SV2B: variants seen among roughly 807,000 people sequenced by gnomAD.
SV2B encodes solute carrier family 22 member B2.
SV2B carries 41 observed loss-of-function variants against 73.9 expected under a neutral mutation model. The observed-to-expected ratio is 0.56, with a 90% CI of 0.43 to 0.72. The LOEUF is 0.72. SV2B is among the 30% of genes least tolerant of loss of function. The pLI is 0.00. For missense variants in SV2B, 764 were observed against 857.8 expected, an observed-to-expected ratio of 0.89 and a Z score of 1.37; for synonymous variants, 314 against 314.2, an observed-to-expected ratio of 1.00 and a Z score of 0.01.
chr15:91,103,145 G>C (rs2041783735), intron 1 of SV2B, among the ~76,000 whole-genome samples: 1 of 152,210 alleles, frequency 6.6e-6, no homozygotes, highest in Non-Finnish European at 1.5e-5. Flanking sequence ...TTTAGAAGAA[G>C]GTTGGTTGGT....
rs141710664 is a variant in SV2B, at chr15:91,172,176, G to A, written c.-391-53697G>A. 3.4e-3 allele frequency among the ~76,000 whole-genome samples: 512 copies of A among 152,248 alleles called. 3 individuals carry two copies. The highest frequency in any genetic ancestry group is 0.014 in the Middle Eastern group (4 of 294). ...TCACTGGGCATTCAGAGCTCTTCTC[G>A]GCCTGGCCACAGCCTATCTTTCCAG... On this transcript the variant is annotated intron_variant, in intron 1 of 12. Coordinates refer to ENST00000394232, the MANE Select transcript of SV2B (RefSeq NM_001323032.3).
intron 1 of SV2B, among the ~76,000 whole-genome samples, chr15:91,196,217 A>G (rs2045240874): frequency 1.3e-5 from 2 of 152,218 alleles, no homozygotes; most frequent in South Asian, 2.1e-4. Flanking sequence ...TCACTCCACT[A>G]TGCTCAGGGC....
intron 1 of SV2B, among the ~76,000 whole-genome samples, chr15:91,204,694 A>C (rs2045575173): frequency 6.6e-6 from 1 of 151,734 alleles, no homozygotes; most frequent in African/African-American, 2.4e-5. Context: ...AGTAGCTGAG[A>C]CTACAGACAT....
chr15:91,149,676 A>G (rs1474756728), intron 1 of SV2B, among the ~76,000 whole-genome samples: 3 of 152,080 alleles, frequency 2.0e-5, no homozygotes, highest in African/African-American at 4.8e-5. Context: ...TTCAAATTCA[A>G]CCTTGGCCAA....
At chr15:91,134,915 G>A (rs900174365) in intron 1 of SV2B, among the ~76,000 whole-genome samples, 3 of 152,038 alleles carry the variant, frequency 2.0e-5, no homozygotes, top group Non-Finnish European at 4.4e-5. Context: ...CTAATGCAGA[G>A]GTGGAATATT....
intron 1 of SV2B, among the ~76,000 whole-genome samples, chr15:91,113,829 G>T (rs139958374): frequency 1.3e-5 from 2 of 151,984 alleles, no homozygotes; most frequent in Non-Finnish European, 1.5e-5. Flanking sequence ...TAAAATAGTC[G>T]CAGTAAGGTC....
intron 1 of SV2B, among the ~76,000 whole-genome samples, chr15:91,208,045 A>G (rs2045709163): frequency 1.3e-5 from 2 of 152,148 alleles, no homozygotes; most frequent in South Asian, 4.1e-4. Context: ...GAAGGCAGAG[A>G]GGCCTTCCTA....
intron 1 of SV2B, among the ~76,000 whole-genome samples, chr15:91,108,483 G>A (rs2041950345): frequency 6.6e-6 from 1 of 152,220 alleles, no homozygotes; most frequent in African/African-American, 2.4e-5. Flanking sequence ...AAGGTCTGTG[G>A]TTCTTCCTGT....
rs139950854 is a variant in SV2B at position 91,149,748 on chromosome 15, T to G, written c.-392+49385T>G. Among the ~76,000 whole-genome samples the G allele has an allele frequency of 5.3e-5, 8 of 152,324 alleles. No individual in the cohort carries two copies. The East Asian group carries it at 1.5e-3, about 29-fold the overall frequency. Reference sequence around the variant, plus strand: ...AGGCTCAGGGAAGGATTTGCCCAAGTCATCCAGCTTCAAACATCAGCATAG... The same window carrying G: ...AGGCTCAGGGAAGGATTTGCCCAAGGCATCCAGCTTCAAACATCAGCATAG... On this transcript the variant is annotated intron_variant, in intron 1 of 12. Transcript: ENST00000394232.
Position 91,190,299 on chromosome 15 carries a change from T to C in SV2B, c.-391-35574T>C, listed in dbSNP as rs890240915. On this transcript the variant is annotated intron_variant, in intron 1 of 12. Transcript: ENST00000394232. ...TGTAAGTGGTCATATCATTCATCAA[T>C]AGTGATCATTATACCTTTTCATTTT... is the stretch of plus-strand genomic sequence containing the variant. Among the ~76,000 whole-genome samples the C allele has an allele frequency of 7.2e-5, 11 of 152,048 alleles. No individual in the cohort carries two copies. In the East Asian group the frequency reaches 1.7e-3, roughly 24 times the overall value.
At chr15:91,254,628 G>A (rs2047616386) in intron 4 of SV2B, among the ~76,000 whole-genome samples, 2 of 152,300 alleles carry the variant, frequency 1.3e-5, no homozygotes, top group Admixed American at 1.3e-4. Flanking sequence ...TAGTGGTGCT[G>A]TGTGATATGG....
chr15:91,150,176 G>A (rs1040632100), intron 1 of SV2B, among the ~76,000 whole-genome samples: 3 of 151,920 alleles, frequency 2.0e-5, no homozygotes, highest in Admixed American at 1.3e-4. Flanking sequence ...CCAATTTTTT[G>A]TATTTTTTTT....
chr15:91,126,528 A>T (rs1479042096), intron 1 of SV2B, among the ~76,000 whole-genome samples: 1 of 152,218 alleles, frequency 6.6e-6, no homozygotes. Context: ...CTGGGATATT[A>T]TATTTGTTTC....
intron 1 of SV2B, among the ~76,000 whole-genome samples, chr15:91,155,988 A>G (rs17594412): frequency 0.066 from 9,973 of 152,078 alleles, 427 homozygotes; most frequent in Non-Finnish European, 0.09. Flanking sequence ...AGACATTGAT[A>G]TTCTGATGAG....
At chr15:91,266,397 C>T (rs988196853) in intron 6 of SV2B, among the ~76,000 whole-genome samples, 185 bp from the exon 7 acceptor site, 1 of 152,092 alleles carries the variant, frequency 6.6e-6, no homozygotes, top group Non-Finnish European at 1.5e-5. Flanking sequence ...CGTCTTTATC[C>T]CTAGATGAAA....
At position 91,139,078 on chromosome 15, in the gene SV2B, T is replaced by C. The variant is rs74577788; in HGVS notation, c.-392+38715T>C. ...AATTATCACTTTTTAGGTGTGATAA[T>C]GGCATACTGATTATTTCAAAATAGA... On this transcript the variant is annotated intron_variant, in intron 1 of 12. Transcript: ENST00000394232. This position sits in a 1 kb window ranked among gnomAD's most constrained non-coding sequence, Gnocchi z 5.2. Among the ~76,000 whole-genome samples the C allele has an allele frequency of 0.12, 18,292 of 152,212 alleles. 1,178 individuals are homozygous for C. Among genetic ancestry groups the C allele is most frequent in the African/African-American group, 0.14 (5,793 of 41,536 alleles).
intron 2 of SV2B, among the ~76,000 whole-genome samples, chr15:91,233,466 A>T (rs1474097952): frequency 6.6e-6 from 1 of 152,198 alleles, no homozygotes; most frequent in African/African-American, 2.4e-5. Context: ...ATCTCCTGAG[A>T]TTGCTGAAAA....
Position 91,172,488 on chromosome 15 carries a change from T to G in SV2B, c.-391-53385T>G, listed in dbSNP as rs150541170. Among the ~76,000 whole-genome samples, 152 of 152,294 alleles carry G rather than the reference T, an allele frequency of 1.0e-3. 1 individual carries two copies. Among genetic ancestry groups the G allele is most frequent in the African/African-American group, 3.5e-3 (145 of 41,574 alleles). On this transcript the variant is annotated intron_variant, in intron 1 of 12. Transcript: ENST00000394232. Reference sequence around the variant, plus strand: ...TACAGCATTTTGGTCCCACCATGTCTTCTTCTTCTGGCATATGGGATCCTC... The same window carrying G: ...TACAGCATTTTGGTCCCACCATGTCGTCTTCTTCTGGCATATGGGATCCTC...
chr15:91,201,332 T>C (rs2045453687), intron 1 of SV2B, among the ~76,000 whole-genome samples: 1 of 152,234 alleles, frequency 6.6e-6, no homozygotes, highest in Admixed American at 6.5e-5. Context: ...TAGATACTTT[T>C]ACATGTATTT....
Sources: gnomAD v4.1 joint callset for allele counts (sites outside exome capture counted in the v4.1 genomes callset) on GRCh38, gnomAD v4.1.1 for gene constraint, Gnocchi (gnomAD v3.1) non-coding constraint, MANE v1.5 for transcripts, NCBI Gene and HGNC (gene_info 2026-07-23, HGNC 2026-07-21) for gene names.